Variants in PCDHA2 observed in about 807,000 individuals in gnomAD.
PCDHA2 encodes the protein protocadherin alpha 2, also known as protocadherin alpha-2.
Under a neutral mutation model 66.0 loss-of-function variants are expected in PCDHA2, and 58 were observed. That is an observed-to-expected ratio of 0.88 (90% CI 0.71 to 1.09). PCDHA2 has a LOEUF of 1.09. Among genes scored for constraint, PCDHA2 ranks in the 50% least tolerant of loss-of-function variants. The pLI, the probability that PCDHA2 is intolerant of heterozygous loss-of-function variation, is 0.00. For synonymous variants in PCDHA2, 634 were observed against 554.0 expected (o/e 1.14, Z -2.03); for missense variants, 1,267 against 1,242.3 (o/e 1.02, Z -0.30).
At chr5:140,991,757 C>T (rs1554252410) in intron 3 of PCDHA2, among the ~76,000 whole-genome samples, 1 of 152,160 alleles carries the variant, frequency 6.6e-6, no homozygotes, top group African/African-American at 2.4e-5. Context: ...CTATCATGCT[C>T]TTCAAAATTC....
Position 140,838,087 on chromosome 5 carries a change from T to A in PCDHA2, c.2388+40735T>A, listed in dbSNP as rs1474008542. On this transcript the variant is annotated intron_variant, in intron 1 of 3. Coordinates refer to ENST00000526136, the MANE Select transcript of PCDHA2 (RefSeq NM_018905.3). Reference sequence around the variant, plus strand: ...AAGTTATATATATATAGTGTGTGTGTGTGTGTGTGTGTGTGTGTGTGTGTG... The same window carrying A: ...AAGTTATATATATATAGTGTGTGTGAGTGTGTGTGTGTGTGTGTGTGTGTG... Among the ~76,000 whole-genome samples the A allele has an allele frequency of 7.9e-4, 77 of 97,646 alleles. 1 individual carries two copies. Among genetic ancestry groups the A allele is most frequent in the South Asian group, 3.4e-3 (11 of 3,264 alleles). 64.1% of individuals were successfully genotyped at this position (97,646 alleles called of 152,430 possible).
At chr5:141,003,046 A>C (rs530303478) in intron 3 of PCDHA2, among the ~76,000 whole-genome samples, 76 of 152,356 alleles carry the variant, frequency 5.0e-4, no homozygotes, top group African/African-American at 1.8e-3. Context: ...TCCTGGCCTT[A>C]ACAGAACAGT....
In PCDHA2 at chr5:140,849,618, A is replaced by T. The variant is rs2150442599; in HGVS notation, c.2388+52266A>T. On this transcript the variant is annotated intron_variant, in intron 1 of 3. Transcript: ENST00000526136. ...GACAGTTATTGCCCTGATTAGTGTG[A>T]TCGACCTAGACGCAGATGCCAACGG... is the stretch of plus-strand genomic sequence containing the variant. The T allele has an allele frequency of 1.9e-6, 3 of 1,598,686 alleles. No individual in the cohort carries two copies. The South Asian group carries it at 3.3e-5, about 18-fold the overall frequency.
At chr5:140,959,886 G>A (rs1171381497) in intron 1 of PCDHA2, among the ~76,000 whole-genome samples, 1 of 152,194 alleles carries the variant, frequency 6.6e-6, no homozygotes, top group Non-Finnish European at 1.5e-5. Flanking sequence ...GAATACACGA[G>A]TGGGATTTAT....
At chr5:140,913,706 C>A (rs1431880255) in intron 1 of PCDHA2, among the ~76,000 whole-genome samples, 4 of 152,054 alleles carry the variant, frequency 2.6e-5, no homozygotes, top group Non-Finnish European at 5.9e-5. Context: ...CCAATGTAGG[C>A]AATTACAGCT....
At chr5:140,919,816 A>T (rs542185810) in intron 1 of PCDHA2, among the ~76,000 whole-genome samples, 22 of 152,358 alleles carry the variant, frequency 1.4e-4, no homozygotes, top group African/African-American at 5.3e-4. Flanking sequence ...GGCCTCAAAA[A>T]TATATGTCCA....
chr5:140,833,695 T>G (rs2150210401), intron 1 of PCDHA2, among the ~76,000 whole-genome samples: 1 of 152,154 alleles, frequency 6.6e-6, no homozygotes, highest in Non-Finnish European at 1.5e-5. Context: ...TCTTATTTTG[T>G]TTTCCCAAGA....
In PCDHA2 at chr5:140,828,503, C is replaced by A. The variant is rs1165644843; in HGVS notation, c.2388+31151C>A. ...CCCGCCCTTGTTCCCGGTAGAGGAA[C>A]AAAGAGTGCTGATTTACGAATCTAG... On this transcript the variant is annotated intron_variant, in intron 1 of 3. Transcript: ENST00000526136. The A allele has an allele frequency of 1.9e-6, 3 of 1,614,120 alleles. No individual in the cohort carries two copies. Among genetic ancestry groups the A allele is most frequent in the Admixed American group, 1.7e-5 (1 of 60,002 alleles).
At chr5:140,912,410 T>C (rs2075912290) in intron 1 of PCDHA2, among the ~76,000 whole-genome samples, 1 of 152,090 alleles carries the variant, frequency 6.6e-6, no homozygotes, top group Non-Finnish European at 1.5e-5. Context: ...AGCTTGGTTA[T>C]TATTGGTGTA....
chr5:140,800,993 G>A (rs1319951368), intron 1 of PCDHA2: 3 of 1,393,670 alleles, frequency 2.2e-6, no homozygotes, highest in East Asian at 2.6e-5. Context: ...ATACTTACAC[G>A]TTTAGCCACA....
At chr5:140,867,383 G>T in intron 1 of PCDHA2, 1 of 152,136 alleles carries the variant, frequency 6.6e-6, no homozygotes, top group East Asian at 1.9e-4. Flanking sequence ...TGGAATTAAC[G>T]GTTATAAAAG....
At chr5:140,889,637 G>A (rs184352635) in intron 1 of PCDHA2, among the ~76,000 whole-genome samples, 5 of 151,668 alleles carry the variant, frequency 3.3e-5, no homozygotes, top group Admixed American at 3.3e-4. Context: ...CTTTTCATTT[G>A]TGTTTGCAGG....
chr5:141,004,350 G>A (rs2098163029), intron 3 of PCDHA2, among the ~76,000 whole-genome samples: 1 of 152,192 alleles, frequency 6.6e-6, no homozygotes, highest in South Asian at 2.1e-4. Context: ...GTGAGGGACT[G>A]GAGAGACCAC....
At chr5:140,836,605 G>A (rs2150265383) in intron 1 of PCDHA2, 1 of 1,613,738 alleles carries the variant, frequency 6.2e-7, no homozygotes. Context: ...ACTCTGGTGT[G>A]CTCCAGCGCG....
rs782723934 is a variant in PCDHA2, at chr5:140,857,452, G to A, written c.2388+60100G>A. The A allele has an allele frequency of 4.4e-6, 7 of 1,598,446 alleles. 1 individual carries two copies. The highest frequency in any genetic ancestry group is 4.3e-6 in the Non-Finnish European group (5 of 1,167,904). ...CGGTGTTCGTGAAGGAGAACAACCC[G>A]CCAGGCTGCCACATCTTCACGGTGT... On this transcript the variant is annotated intron_variant, in intron 1 of 3. Coordinates refer to ENST00000526136, the MANE Select transcript of PCDHA2 (RefSeq NM_018905.3).
At chr5:140,802,567 A>G in intron 1 of PCDHA2, 1 of 1,613,466 alleles carries the variant, frequency 6.2e-7, no homozygotes, top group Admixed American at 1.7e-5. Context: ...GCATTCTCGC[A>G]GTCCGAGTAC....
At chr5:140,873,334 C>A (rs1182965928) in intron 1 of PCDHA2, among the ~76,000 whole-genome samples, 1 of 152,156 alleles carries the variant, frequency 6.6e-6, no homozygotes, top group African/African-American at 2.4e-5. Context: ...GCATACATTA[C>A]TCATCTCCAG....
At position 140,876,440 on chromosome 5, in the gene PCDHA2, T is replaced by C. The variant is rs369023443; in HGVS notation, c.2388+79088T>C. 23 of 1,613,876 alleles carry C rather than the reference T, an allele frequency of 1.4e-5. No individual in the cohort carries two copies. In the Admixed American group the frequency reaches 1.5e-4, roughly 11 times the overall value. On this transcript the variant is annotated intron_variant, in intron 1 of 3. Transcript: ENST00000526136. ...GCCTATGAAATTCAGGTTAACGCCA[T>C]TGATAAAGGGATTCCTTCCATGGCA...
intron 1 of PCDHA2, among the ~76,000 whole-genome samples, chr5:140,881,751 A>G (rs974973794): frequency 6.6e-6 from 1 of 152,206 alleles, no homozygotes; most frequent in Non-Finnish European, 1.5e-5. Flanking sequence ...GGACAGTACC[A>G]CAAAAACCTA....
Sources: allele counts gnomAD v4.1 joint callset (sites outside exome capture counted in the v4.1 genomes callset), GRCh38; gene constraint gnomAD v4.1.1; transcripts MANE v1.5; gene names NCBI Gene and HGNC (gene_info 2026-07-23, HGNC 2026-07-21).